Variants in EML4 observed in about 807,000 individuals in gnomAD.
EML4 encodes echinoderm microtubule-associated protein-like 4.
EML4 carries 72 observed loss-of-function variants against 129.0 expected under a neutral mutation model. That is an observed-to-expected ratio of 0.56 (90% CI 0.46 to 0.68). EML4 has a LOEUF of 0.68. Among genes scored for constraint, EML4 ranks in the 30% least tolerant of loss-of-function variants. EML4 has a pLI of 0.00. For missense variants in EML4, 1,363 were observed against 1,190.6 expected (o/e 1.14, Z -2.13); for synonymous variants, 532 against 405.0 (o/e 1.31, Z -3.77).
At chr2:42,171,198 T>C (rs114107154) in intron 1 of EML4, among the ~76,000 whole-genome samples, 81 of 152,368 alleles carry the variant, frequency 5.3e-4, no homozygotes, top group African/African-American at 1.8e-3. Context: ...ACAGTAAGTG[T>C]TGGACCGAAA....
intron 1 of EML4, among the ~76,000 whole-genome samples, chr2:42,226,773 C>A (rs890212974): frequency 2.0e-5 from 3 of 152,014 alleles, no homozygotes; most frequent in Non-Finnish European, 4.4e-5. Flanking sequence ...TGAGATAATG[C>A]ATATGTTAAG....
At chr2:42,273,160 T>G (rs1245113830) in intron 6 of EML4, among the ~76,000 whole-genome samples, 1 of 152,316 alleles carries the variant, frequency 6.6e-6, no homozygotes, top group East Asian at 1.9e-4. Flanking sequence ...TTTCATTTAT[T>G]TAGTGCTTTA....
In EML4 at chr2:42,211,238, A is replaced by G. The variant is rs115613523; in HGVS notation, c.26-34267A>G. Among the ~76,000 whole-genome samples, 996 of 151,354 alleles carry G rather than the reference A, an allele frequency of 6.6e-3. 10 individuals are homozygous for G. The highest frequency in any genetic ancestry group is 0.023 in the African/African-American group (950 of 41,504). Reference sequence around the variant, plus strand: ...TTGTTAAGTCTGTAAGCATGGCTGAAAAAAAATCACATACTCCTGTGTGTT... The same window carrying G: ...TTGTTAAGTCTGTAAGCATGGCTGAGAAAAAATCACATACTCCTGTGTGTT... On this transcript the variant is annotated intron_variant, in intron 1 of 22. Coordinates refer to ENST00000318522, the MANE Select transcript of EML4 (RefSeq NM_019063.5).
At chr2:42,293,776 C>A (rs6731520) in intron 11 of EML4, among the ~76,000 whole-genome samples, 85,382 of 151,890 alleles carry the variant, frequency 0.56, 24,623 homozygotes, top group East Asian at 0.75. Flanking sequence ...CGCCCAGCTA[C>A]TTTTTTGTAT....
At chr2:42,325,663 G>A (rs894323268) in intron 20 of EML4, 109 bp downstream of exon 20, 6 of 216,386 alleles carry the variant, frequency 2.8e-5, no homozygotes, top group Non-Finnish European at 3.3e-5. Context: ...TGTCAGGGGC[G>A]CTAATGAACA....
chr2:42,309,777 A>G (rs1331962700), intron 17 of EML4, among the ~76,000 whole-genome samples: 3 of 152,254 alleles, frequency 2.0e-5, no homozygotes, highest in African/African-American at 2.4e-5. Flanking sequence ...TATATTCTGG[A>G]TACAGTTCCT....
At chr2:42,205,537 A>G (rs1381776559) in intron 1 of EML4, among the ~76,000 whole-genome samples, 5 of 151,976 alleles carry the variant, frequency 3.3e-5, no homozygotes, top group Non-Finnish European at 5.9e-5. Context: ...TAAGCACTCA[A>G]TAAATGTTTG....
intron 1 of EML4, among the ~76,000 whole-genome samples, chr2:42,194,327 T>G (rs1017351083): frequency 7.5e-5 from 11 of 147,178 alleles, no homozygotes; most frequent in African/African-American, 1.5e-4. Flanking sequence ...CAGATCTGTA[T>G]TTTTCACTTC....
intron 10 of EML4, 133 bp downstream of exon 10, chr2:42,286,512 A>G (rs1476523098): frequency 1.1e-5 from 7 of 639,446 alleles, no homozygotes; most frequent in South Asian, 1.8e-5. Flanking sequence ...TATTGCTAAC[A>G]TATTAGCTAT....
intron 10 of EML4, among the ~76,000 whole-genome samples, chr2:42,287,400 C>A (rs775825749): frequency 6.6e-6 from 1 of 152,158 alleles, no homozygotes; most frequent in East Asian, 1.9e-4. Flanking sequence ...ACCATTGTTA[C>A]GGTGTTAAGA....
chr2:42,250,583 T>C (rs1675703848), intron 2 of EML4, among the ~76,000 whole-genome samples: 1 of 152,080 alleles, frequency 6.6e-6, no homozygotes, highest in South Asian at 2.1e-4. Flanking sequence ...TCATTGGGCA[T>C]TTTTTTCCTT....
At position 42,285,889 on chromosome 2, in the gene EML4, G is replaced by C. The variant is rs191809090; in HGVS notation, c.1012-380G>C. On this transcript the variant is annotated intron_variant, in intron 9 of 22. Transcript: ENST00000318522. ...GCTAGGATTACCGGTGTGGGCCCCC[G>C]TGCCTGGCCGACTCAACCTTTTAAT... The C allele has an allele frequency of 7.8e-5, 17 of 219,064 alleles. No homozygotes were observed. The East Asian group carries it at 1.6e-3, about 21-fold the overall frequency. The allele number at this position is 219,064 out of a possible 1,614,324, so 13.6% of individuals were successfully genotyped here.
At chr2:42,235,734 G>A (rs936755594) in intron 1 of EML4, among the ~76,000 whole-genome samples, 2 of 151,212 alleles carry the variant, frequency 1.3e-5, no homozygotes, top group Non-Finnish European at 2.9e-5. Flanking sequence ...TTTTCCTTAG[G>A]TTTGTAGATA....
At chr2:42,265,260 T>TTTTG (rs1265844959) in intron 6 of EML4, among the ~76,000 whole-genome samples, 1 of 152,090 alleles carries the variant, frequency 6.6e-6, no homozygotes, top group Non-Finnish European at 1.5e-5. Flanking sequence ...TTTTGGTGTT[T>TTTTG]TTTGTTTGTT....
intron 11 of EML4, among the ~76,000 whole-genome samples, chr2:42,292,093 TGTATTCTGAATTATAGGA>T (rs1434969128): frequency 2.0e-5 from 3 of 152,234 alleles, no homozygotes; most frequent in Non-Finnish European, 4.4e-5. Flanking sequence ...CGTTGGCAAC[TGTATTCTGAATTATAGGA>T]GTTTTGTGGG....
intron 17 of EML4, among the ~76,000 whole-genome samples, chr2:42,306,484 C>CTTTTGTTTTTTTTTTTTTTTTTTTTT (rs1668599427): frequency 1.3e-5 from 1 of 74,604 alleles, no homozygotes; most frequent in Non-Finnish European, 2.6e-5. Flanking sequence ...GTGCTAAATC[C>CTTTTGTTTTTTTTTTTTTTTTTTTTT]TTTTTTTTTT....
chr2:42,264,812 A>T, intron 6 of EML4, 81 bp downstream of exon 6: 1 of 1,385,312 alleles, frequency 7.2e-7, no homozygotes, highest in Non-Finnish European at 1.0e-6. Context: ...ATTTTCATCC[A>T]GTGCACTTTA....
At chr2:42,298,354 G>C (rs904677828) in intron 13 of EML4, among the ~76,000 whole-genome samples, 1 of 152,198 alleles carries the variant, frequency 6.6e-6, no homozygotes, top group Non-Finnish European at 1.5e-5. Flanking sequence ...TTGTGATTAA[G>C]TTTGGATGGA....
chr2:42,197,272 A>G (rs1372041894), intron 1 of EML4, among the ~76,000 whole-genome samples: 4 of 152,142 alleles, frequency 2.6e-5, no homozygotes, highest in Non-Finnish European at 5.9e-5. Flanking sequence ...CCATATTCCC[A>G]GGCTGGTCTC....
Sources: allele counts gnomAD v4.1 joint callset (sites outside exome capture counted in the v4.1 genomes callset), GRCh38; gene constraint gnomAD v4.1.1; transcripts MANE v1.5; gene names NCBI Gene and HGNC (gene_info 2026-07-23, HGNC 2026-07-21).